ATP2A2: variants seen among roughly 807,000 people sequenced by gnomAD.
ATP2A2 encodes the protein ATPase sarcoplasmic/endoplasmic reticulum Ca2+ transporting 2.
ATP2A2 carries 14 observed loss-of-function variants against 109.3 expected under a neutral mutation model. The observed-to-expected ratio is 0.13, with a 90% confidence interval of 0.08 to 0.20. The LOEUF is 0.20. Among genes scored for constraint, ATP2A2 ranks in the 10% least tolerant of loss-of-function variants. ATP2A2 has a pLI of 1.00. For synonymous variants in ATP2A2, 506 were observed against 490.9 expected, an observed-to-expected ratio of 1.03 and a Z score of -0.41; for missense variants, 657 against 1,321.6, an observed-to-expected ratio of 0.50 and a Z score of 7.80.
Position 110,350,330 on chromosome 12 carries a change from A to C in ATP2A2, c.*3860A>C. On this transcript the variant is annotated 3_prime_UTR_variant, in exon 20 of 20. Transcript: ENST00000539276. ...ACCGCTTCCTAAACCATTTTGCAGA[A>C]ATGTAAGGGTGTTCGGTTGCGTGCA... 1 of 1,614,148 alleles carries C rather than the reference A, an allele frequency of 6.2e-7. No homozygotes were observed.
At chr12:110,287,702 C>T (rs1872807026) in intron 3 of ATP2A2, among the ~76,000 whole-genome samples, 1 of 151,808 alleles carries the variant, frequency 6.6e-6, no homozygotes, top group Non-Finnish European at 1.5e-5. Context: ...GCAACCTCCA[C>T]CTCCCAGCTT....
chr12:110,326,270 C>T lies in ATP2A2; in HGVS notation c.545-120C>T, dbSNP rs898694020. The T allele has an allele frequency of 6.3e-6, 6 of 954,658 alleles. No homozygotes were observed. The African/African-American group carries it at 8.2e-5, about 13-fold the overall frequency. 59.1% of individuals were successfully genotyped at this position (954,658 alleles called of 1,614,324 possible). A position where few individuals can be genotyped will look rare whatever the true frequency, so the allele number is the denominator to read the frequency against. ...TCCTTTGAATGAATTGGGCCTTTTG[C>T]CAACCTTTTCTCACACTAACAGTAT... On this transcript the variant is annotated intron_variant, in intron 6 of 19. Transcript: ENST00000539276.
At chr12:110,303,377 G>T (rs1442568097) in intron 5 of ATP2A2, among the ~76,000 whole-genome samples, 1 of 151,790 alleles carries the variant, frequency 6.6e-6, no homozygotes, top group African/African-American at 2.4e-5. Flanking sequence ...ACAGGCTTGG[G>T]CCATTATGCC....
At chr12:110,326,273 AC>A (rs1877792687) in intron 6 of ATP2A2, 116 bp from the exon 7 acceptor site, 1 of 988,470 alleles carries the variant, frequency 1.0e-6, no homozygotes, top group Non-Finnish European at 1.6e-6. Context: ...CCTTTTGCCA[AC>A]CTTTTCTCAC....
At chr12:110,333,755 TAATA>T (rs932754308) in intron 10 of ATP2A2, among the ~76,000 whole-genome samples, 4 of 152,146 alleles carry the variant, frequency 2.6e-5, no homozygotes, top group Admixed American at 1.3e-4. Context: ...TTGGGTGAAA[TAATA>T]AATACTGTGT....
At chr12:110,323,912 C>T (rs1055427924) in intron 6 of ATP2A2, among the ~76,000 whole-genome samples, 2 of 152,148 alleles carry the variant, frequency 1.3e-5, no homozygotes, top group Non-Finnish European at 2.9e-5. Flanking sequence ...AAATAGACTC[C>T]AGTGCTGTAA....
At chr12:110,302,534 A>G (rs1001081791) in intron 5 of ATP2A2, among the ~76,000 whole-genome samples, 1 of 151,964 alleles carries the variant, frequency 6.6e-6, no homozygotes, top group East Asian at 1.9e-4. Flanking sequence ...AAAAGCGTAT[A>G]TATTGCTTTG....
intron 5 of ATP2A2, among the ~76,000 whole-genome samples, chr12:110,306,298 C>A (rs1875322712): frequency 6.6e-6 from 1 of 152,226 alleles, no homozygotes; most frequent in South Asian, 2.1e-4. Context: ...CTTGGCCTCC[C>A]AAAGTACTGG....
intron 3 of ATP2A2, among the ~76,000 whole-genome samples, chr12:110,290,639 C>G (rs1234159021): frequency 6.6e-6 from 1 of 152,078 alleles, no homozygotes; most frequent in Non-Finnish European, 1.5e-5. Flanking sequence ...GAGTCTTGCT[C>G]TAACGCCCAG....
intron 5 of ATP2A2, among the ~76,000 whole-genome samples, chr12:110,313,317 T>C (rs1876301204): frequency 6.8e-6 from 1 of 146,690 alleles, no homozygotes; most frequent in East Asian, 2.0e-4. Flanking sequence ...TTCCTTTTTT[T>C]TTTTTTTTTT....
At chr12:110,316,616 G>A (rs1386848616) in intron 5 of ATP2A2, among the ~76,000 whole-genome samples, 1 of 152,156 alleles carries the variant, frequency 6.6e-6, no homozygotes, top group East Asian at 1.9e-4. Flanking sequence ...TAGGAAATCA[G>A]TGATGTCTGA....
At chr12:110,319,120 G>A (rs1876969965) in intron 5 of ATP2A2, among the ~76,000 whole-genome samples, 1 of 149,652 alleles carries the variant, frequency 6.7e-6, no homozygotes, top group African/African-American at 2.5e-5. Flanking sequence ...GAGGTGGGAA[G>A]ATGACTTGAG....
At chr12:110,309,367 A>G (rs929540429) in intron 5 of ATP2A2, among the ~76,000 whole-genome samples, 6 of 151,368 alleles carry the variant, frequency 4.0e-5, no homozygotes, top group African/African-American at 1.5e-4. Flanking sequence ...CATGTTGGCC[A>G]GGCTGGTCTC....
At chr12:110,344,116 C>T (rs972761273) in intron 16 of ATP2A2, among the ~76,000 whole-genome samples, 3 of 152,146 alleles carry the variant, frequency 2.0e-5, no homozygotes, top group Admixed American at 6.5e-5. Flanking sequence ...GCATGTTGAC[C>T]CTTGTCTTGC....
At position 110,345,769 on chromosome 12, in the gene ATP2A2, T is replaced by C; in HGVS notation, c.2742-232T>C. On this transcript the variant is annotated intron_variant, in intron 18 of 19. Coordinates refer to ENST00000539276, the MANE Select transcript of ATP2A2 (RefSeq NM_170665.4). ...TCTCCAGGGCAATTGGGAACAGCTTTGAACCCACTAAGATGGGGTCTGCTA... is the reference window on the plus strand; with the variant it reads ...TCTCCAGGGCAATTGGGAACAGCTTCGAACCCACTAAGATGGGGTCTGCTA... 5 of 626,428 alleles carry C rather than the reference T, an allele frequency of 8.0e-6. 1 individual carries two copies. The South Asian group carries it at 9.0e-5, about 11-fold the overall frequency. 38.8% of individuals were successfully genotyped at this position (626,428 alleles called of 1,614,324 possible).
rs75990885 is a variant in ATP2A2 at position 110,312,553 on chromosome 12, G to A, written c.464-10439G>A. Reference sequence around the variant, plus strand: ...CTCAGGATTCTAGCTATTTAGTTTTGAAAACTGAAGTACAGGCCGGGCATG... The same window carrying A: ...CTCAGGATTCTAGCTATTTAGTTTTAAAAACTGAAGTACAGGCCGGGCATG... On this transcript the variant is annotated intron_variant, in intron 5 of 19. Coordinates refer to ENST00000539276, the MANE Select transcript of ATP2A2 (RefSeq NM_170665.4). Among the ~76,000 whole-genome samples the A allele has an allele frequency of 9.6e-3, 1,461 of 152,068 alleles. 2 individuals are homozygous for A. The highest frequency in any genetic ancestry group is 0.011 in the African/African-American group (469 of 41,504).
intron 8 of ATP2A2, chr12:110,329,878 A>G (rs553946943): frequency 1.3e-5 from 2 of 152,386 alleles, no homozygotes; most frequent in South Asian, 2.1e-4. Context: ...GTACAAGTCT[A>G]TTCCAAAAGG....
rs117887629 is a variant in ATP2A2 at position 110,306,896 on chromosome 12, G to A, written c.463+10159G>A. Among the ~76,000 whole-genome samples, 251 of 152,020 alleles carry A rather than the reference G, an allele frequency of 1.7e-3. 9 individuals are homozygous for A. The East Asian group carries it at 0.047, about 28-fold the overall frequency. ...TCCCACCTCAGCCTCCTTGTAGCTG[G>A]AACTACAGATGCCCACCACGCCCAA... On this transcript the variant is annotated intron_variant, in intron 5 of 19. Coordinates refer to ENST00000539276, the MANE Select transcript of ATP2A2 (RefSeq NM_170665.4).
chr12:110,300,176 C>A (rs1403078488), intron 5 of ATP2A2, among the ~76,000 whole-genome samples: 1 of 102,848 alleles, frequency 9.7e-6, no homozygotes, highest in Admixed American at 1.2e-4. Context: ...CCTTCTTTCT[C>A]GCTCTCTCTT....
Sources: gnomAD v4.1 joint callset for allele counts (sites outside exome capture counted in the v4.1 genomes callset) on GRCh38, gnomAD v4.1.1 for gene constraint, MANE v1.5 for transcripts, NCBI Gene and HGNC (gene_info 2026-07-23, HGNC 2026-07-21) for gene names.